The following CD8A variants were observed in gnomAD, a reference collection of about 807,000 sequenced individuals.
The protein encoded by CD8A is CD8 subunit alpha.
Under a neutral mutation model 24.2 loss-of-function variants are expected in CD8A, and 25 were observed. That is an observed-to-expected ratio of 1.03 (90% CI 0.75 to 1.44). The LOEUF is 1.44. Ranked by LOEUF, CD8A falls within the 40% of genes most tolerant of loss-of-function variation. The pLI, the probability that CD8A is intolerant of heterozygous loss-of-function variation, is 0.00. For synonymous variants in CD8A, 165 were observed against 149.9 expected, an observed-to-expected ratio of 1.10 and a Z score of -0.74; for missense variants, 360 against 319.7, an observed-to-expected ratio of 1.13 and a Z score of -0.96.
chr2:86,796,639 G>C (rs1005834), intron 3 of CD8A, among the ~76,000 whole-genome samples: 70,998 of 152,080 alleles, frequency 0.47, 17,670 homozygotes, highest in East Asian at 0.8. Context: ...ATCCCATAGA[G>C]TTGATGTTTG....
In CD8A at chr2:86,785,267, G is replaced by A. The variant is rs1373399125; in HGVS notation, c.*653C>T. On this transcript the variant is annotated 3_prime_UTR_variant, in exon 6 of 6. Coordinates refer to ENST00000283635, the MANE Select transcript of CD8A (RefSeq NM_001768.7). ...TTATTTTAGGTCTATACAATTTTAGGCTTGATTATAAAAAAAAAAAGTCTG... is the reference window on the plus strand; with the variant it reads ...TTATTTTAGGTCTATACAATTTTAGACTTGATTATAAAAAAAAAAAGTCTG... The A allele has an allele frequency of 4.5e-6, 2 of 448,000 alleles. No individual in the cohort carries two copies. The highest frequency in any genetic ancestry group is 4.8e-5 in the Admixed American group (2 of 41,814). 27.8% of individuals were successfully genotyped at this position (448,000 alleles called of 1,614,324 possible). A position where few individuals can be genotyped will look rare whatever the true frequency, so the allele number is the denominator to read the frequency against.
At chr2:86,801,643 G>A (rs1673677652) in exon 3 of CD8A, 1 of 151,892 alleles carries the variant, frequency 6.6e-6, no homozygotes, top group Admixed American at 6.6e-5. Flanking sequence ...CACTGCACCT[G>A]GTTCATGCTT....
In CD8A at chr2:86,785,702, A is replaced by G. The variant is rs775721972; in HGVS notation, c.*218T>C. 4.5e-5 allele frequency: 32 copies of G among 708,720 alleles called. No homozygotes were observed. In the South Asian group the frequency reaches 4.5e-4, roughly 10 times the overall value. The allele number at this position is 708,720 out of a possible 1,614,324, so 43.9% of individuals were successfully genotyped here. ...CGCCCTACCGCGATGTGCGCACAAC[A>G]GTATTGTGACCCTTGTGGTGTACTG... On this transcript the variant is annotated 3_prime_UTR_variant, in exon 6 of 6. Transcript: ENST00000283635.
intron 2 of CD8A, 51 bp from the exon 3 acceptor site, chr2:86,789,801 G>A (rs774295732): frequency 2.1e-5 from 21 of 1,012,118 alleles, no homozygotes; most frequent in Non-Finnish European, 2.8e-5. Context: ...TTATGGAGGC[G>A]CCCCAGCCCC....
chr2:86,804,667 G>A (rs971561223), intron 2 of CD8A, among the ~76,000 whole-genome samples: 3 of 152,000 alleles, frequency 2.0e-5, no homozygotes, highest in Non-Finnish European at 2.9e-5. Flanking sequence ...GTGCATTGGT[G>A]TGATAACAGC....
intron 4 of CD8A, 37 bp from the exon 5 acceptor site, chr2:86,788,597 C>T: frequency 1.3e-6 from 2 of 1,591,122 alleles, no homozygotes; most frequent in African/African-American, 2.7e-5. Context: ...GTGAGTGCCC[C>T]TATCCATCAA....
intron 2 of CD8A, among the ~76,000 whole-genome samples, chr2:86,805,190 T>C (rs1456925790): frequency 6.6e-6 from 1 of 152,186 alleles, no homozygotes; most frequent in African/African-American, 2.4e-5. Flanking sequence ...TAATGACAAC[T>C]GCCACTTTCA....
chr2:86,804,200 TAAAC>T (rs1287790364), intron 2 of CD8A, among the ~76,000 whole-genome samples: 6 of 152,200 alleles, frequency 3.9e-5, no homozygotes, highest in African/African-American at 1.4e-4. Flanking sequence ...AAAATTTATT[TAAAC>T]AAACAAAATG....
rs749052180 is a variant in CD8A, at chr2:86,785,761, C to A, written c.*159G>T. On this transcript the variant is annotated 3_prime_UTR_variant, in exon 6 of 6. Coordinates refer to ENST00000283635, the MANE Select transcript of CD8A (RefSeq NM_001768.7). ...ACCTAGTTTTGTTTCCCGTCAAACA[C>A]ATAAAGAAAAAGTAATCTTTCCCAC... 1 of 780,486 alleles carries A rather than the reference C, an allele frequency of 1.3e-6. No homozygotes were observed. Among genetic ancestry groups the A allele is most frequent in the South Asian group, 1.4e-5 (1 of 73,816 alleles). 48.3% of individuals were successfully genotyped at this position (780,486 alleles called of 1,614,324 possible).
chr2:86,803,169 G>A (rs552384157), intron 2 of CD8A, among the ~76,000 whole-genome samples: 1 of 152,252 alleles, frequency 6.6e-6, no homozygotes, highest in South Asian at 2.1e-4. Context: ...TTTTATAACA[G>A]CATTTTTCAC....
At position 86,790,638 on chromosome 2, in the gene CD8A, C is replaced by T. The variant is rs1207721433; in HGVS notation, c.93G>A (p.Arg31=). The change falls in exon 2 of 6, where the codon CGG becomes CGA. Residue 31 remains arginine (R), a synonymous_variant. Coordinates refer to ENST00000283635, the MANE Select transcript of CD8A (RefSeq NM_001768.7). ...CCACTGTCTCGCCCAGGTTCCAGGT[C>T]CGATCCAGCGGCGACACCCGGAACT... ...PSQFRVSPLD[R]TWNLGETVEL... The T allele has an allele frequency of 1.2e-6, 2 of 1,603,346 alleles. No individual in the cohort carries two copies. Among genetic ancestry groups the T allele is most frequent in the Non-Finnish European group, 1.7e-6 (2 of 1,179,080 alleles).
chr2:86,789,526 G>C, intron 3 of CD8A, 93 bp from the exon 4 acceptor site: 6 of 1,342,160 alleles, frequency 4.5e-6, no homozygotes, highest in Non-Finnish European at 6.4e-6. Context: ...CTCAGATCTC[G>C]GTTTCCCACC....
intron 3 of CD8A, among the ~76,000 whole-genome samples, chr2:86,801,287 C>CT (rs1401899497): frequency 6.6e-5 from 10 of 151,530 alleles, no homozygotes; most frequent in African/African-American, 2.2e-4. Flanking sequence ...CCCTGCCTCC[C>CT]TCCCTTCCTT....
At chr2:86,789,083 C>A (rs1203269565) in intron 4 of CD8A, among the ~76,000 whole-genome samples, 1 of 152,224 alleles carries the variant, frequency 6.6e-6, no homozygotes, top group Admixed American at 6.5e-5. Context: ...CGGAACACAC[C>A]CGCTGCAGCG....
rs1433248821 is a variant in CD8A, at chr2:86,789,429, G to T, written c.519C>A (p.His173Gln). ...ACRPAAGGAV[H>Q]TRGLDFACDI... is the part of the protein sequence containing the mutation. ...CACAGGCGAAGTCCAGCCCCCTCGT[G>T]TGCACTGACGACACCAAAGACGCCG... The change falls in exon 4 of 6, where the codon CAC becomes CAA. Residue 173 changes from histidine (H) to glutamine (Q), a missense_variant. By Grantham distance (24) the His-to-Gln change is conservative. Transcript: ENST00000283635. 1 of 1,611,822 alleles carries T rather than the reference G, an allele frequency of 6.2e-7. No homozygotes were observed. The highest frequency in any genetic ancestry group is 8.5e-7 in the Non-Finnish European group (1 of 1,177,822).
Position 86,790,761 on chromosome 2 carries a change from G to T in CD8A, c.49+16C>A. ...GCCCGCCCCATCCCCTGCCTTCCCGGGCGTCTCAAACTCACGGAGCAGCAA... is the reference window on the plus strand; with the variant it reads ...GCCCGCCCCATCCCCTGCCTTCCCGTGCGTCTCAAACTCACGGAGCAGCAA... On this transcript the variant is annotated intron_variant, in intron 1 of 5. Transcript: ENST00000283635. 1 of 1,451,162 alleles carries T rather than the reference G, an allele frequency of 6.9e-7. No homozygotes were observed. The allele number at this position is 1,451,162 out of a possible 1,614,324, so 89.9% of individuals were successfully genotyped here.
chr2:86,802,320 G>T (rs1673699937), intron 2 of CD8A, among the ~76,000 whole-genome samples: 1 of 152,148 alleles, frequency 6.6e-6, no homozygotes, highest in African/African-American at 2.4e-5. Flanking sequence ...TTACAGGTGT[G>T]AGCCACCATG....
Position 86,785,926 on chromosome 2 carries a change from G to T in CD8A, c.702C>A (p.Tyr234Ter). 6.2e-7 allele frequency: 1 copy of T among 1,611,622 alleles called. No individual in the cohort carries two copies. The highest frequency in any genetic ancestry group is 8.5e-7 in the Non-Finnish European group (1 of 1,177,694). ...TAGTGGCTGTTGCACAGGGTTAGAC[G>T]TATCTCGCCGAAAGGCTGGGCTTGT... ...SGDKPSLSAR[Y>*]V Residue 234 changes from tyrosine (Y) to a stop codon, truncating the protein, a stop_gained, in exon 6 of 6, where the codon TAC (tyrosine) becomes TAA (stop). Transcript: ENST00000283635. LOFTEE classifies it high-confidence loss of function.
At chr2:86,802,735 A>G (rs1309523583) in intron 2 of CD8A, among the ~76,000 whole-genome samples, 1 of 152,108 alleles carries the variant, frequency 6.6e-6, no homozygotes, top group Non-Finnish European at 1.5e-5. Context: ...CCACCTGAGT[A>G]GCTGGGATTG....
Sources: allele counts gnomAD v4.1 joint callset (sites outside exome capture counted in the v4.1 genomes callset), GRCh38; gene constraint gnomAD v4.1.1; transcripts MANE v1.5; gene names NCBI Gene and HGNC (gene_info 2026-07-23, HGNC 2026-07-21).